The following FBXL13 variants were observed in gnomAD, a reference collection of about 807,000 sequenced individuals.
FBXL13 encodes the protein F-box and leucine-rich repeat protein 13.
A neutral mutation model predicts 83.6 loss-of-function variants in FBXL13; 67 were observed. That is an observed-to-expected ratio of 0.80 (90% confidence interval 0.66 to 0.98). The LOEUF (loss-of-function observed/expected upper bound fraction) is 0.98. FBXL13 is among the 50% of genes least tolerant of loss of function. FBXL13 has a pLI of 0.00. For synonymous variants in FBXL13, 272 were observed against 299.5 expected, an observed-to-expected ratio of 0.91 and a Z score of 0.95; for missense variants, 822 against 866.5, an observed-to-expected ratio of 0.95 and a Z score of 0.64.
intron 6 of FBXL13, among the ~76,000 whole-genome samples, chr7:102,969,146 T>C (rs1162465402): frequency 6.6e-6 from 1 of 152,204 alleles, no homozygotes; most frequent in Non-Finnish European, 1.5e-5. Flanking sequence ...CACTGACTCA[T>C]TCAGAGCAAC....
intron 6 of FBXL13, among the ~76,000 whole-genome samples, chr7:102,998,767 G>C (rs1238777364): frequency 6.6e-6 from 1 of 151,898 alleles, no homozygotes; most frequent in South Asian, 2.1e-4. Flanking sequence ...AGGAATTCGA[G>C]ACTAGCCTGG....
intron 6 of FBXL13, among the ~76,000 whole-genome samples, chr7:102,969,138 C>A (rs949949774): frequency 1.3e-5 from 2 of 152,226 alleles, no homozygotes; most frequent in Non-Finnish European, 1.5e-5. Flanking sequence ...CACTCACTCA[C>A]TGACTCATTC....
downstream of FBXL13, among the ~76,000 whole-genome samples, chr7:102,812,618 A>C (rs939792640): frequency 6.6e-6 from 1 of 152,174 alleles, no homozygotes; most frequent in Non-Finnish European, 1.5e-5. Context: ...AAAAAGCGTT[A>C]CAGATCCTTA....
chr7:102,910,371 T>A (rs183828653), intron 11 of FBXL13, among the ~76,000 whole-genome samples: 2 of 151,628 alleles, frequency 1.3e-5, no homozygotes, highest in African/African-American at 4.9e-5. Context: ...ATGAAGGTGT[T>A]TTTTCTTTTT....
chr7:102,976,264 G>A (rs1215176626), intron 6 of FBXL13: 1 of 702,104 alleles, frequency 1.4e-6, no homozygotes, highest in African/African-American at 1.7e-5. Context: ...TAATACCAGG[G>A]CAACCTATTC....
intron 6 of FBXL13, among the ~76,000 whole-genome samples, chr7:103,015,305 T>C (rs148595097): frequency 0.011 from 1,672 of 152,228 alleles, 35 homozygotes; most frequent in African/African-American, 0.039. Flanking sequence ...CCCTCTCTCA[T>C]CACTCCTATT....
intron 6 of FBXL13, among the ~76,000 whole-genome samples, chr7:102,998,273 T>C (rs1044552850): frequency 4.6e-5 from 7 of 152,234 alleles, no homozygotes; most frequent in Non-Finnish European, 8.8e-5. Flanking sequence ...TGCTATTAAG[T>C]TCCTTATATA....
chr7:102,934,384 C>A (rs774795898), intron 8 of FBXL13: 1 of 1,614,182 alleles, frequency 6.2e-7, no homozygotes, highest in South Asian at 1.1e-5. Context: ...TCTTGAGCTA[C>A]CTGCGTCTTT....
At chr7:103,038,436 T>C (rs1012735696) in intron 2 of FBXL13, among the ~76,000 whole-genome samples, 1 of 152,242 alleles carries the variant, frequency 6.6e-6, no homozygotes, top group Non-Finnish European at 1.5e-5. Context: ...AACGTCCCTG[T>C]CTGACAGCTC....
At chr7:102,941,454 T>C (rs1423110115) in intron 8 of FBXL13, among the ~76,000 whole-genome samples, 1 of 152,208 alleles carries the variant, frequency 6.6e-6, no homozygotes, top group East Asian at 1.9e-4. Context: ...AAAACTCTGA[T>C]GCCTGAATGC....
intron 17 of FBXL13, among the ~76,000 whole-genome samples, chr7:102,844,391 C>CAATA (rs1473152861): frequency 6.6e-6 from 1 of 152,076 alleles, no homozygotes; most frequent in Non-Finnish European, 1.5e-5. Flanking sequence ...ACTAAGAGAA[C>CAATA]AATACATCCT....
chr7:102,833,596 CTT>C (rs1225188712), intron 17 of FBXL13, among the ~76,000 whole-genome samples: 25 of 138,136 alleles, frequency 1.8e-4, no homozygotes, highest in Admixed American at 3.6e-4. Flanking sequence ...CCGGCTAATT[CTT>C]TTTTTTTTTT....
At chr7:102,990,679 C>T (rs1403842862) in intron 6 of FBXL13, among the ~76,000 whole-genome samples, 1 of 152,140 alleles carries the variant, frequency 6.6e-6, no homozygotes, top group Non-Finnish European at 1.5e-5. Context: ...GACAGAGGAT[C>T]AAAGGTAGCC....
chr7:103,045,301 T>C (rs181345510), intron 2 of FBXL13, among the ~76,000 whole-genome samples: 170 of 152,354 alleles, frequency 1.1e-3, no homozygotes, highest in Non-Finnish European at 1.6e-3. Context: ...GTTTTCAATC[T>C]TGTCTATCTA....
At chr7:102,855,652 C>T (rs536174880) in intron 16 of FBXL13, among the ~76,000 whole-genome samples, 2 of 129,414 alleles carry the variant, frequency 1.5e-5, no homozygotes, top group Admixed American at 8.0e-5. Flanking sequence ...CACCCCCCAA[C>T]CCACCCCTCA....
chr7:102,815,468 T>A (rs1368681458), intron 19 of FBXL13, among the ~76,000 whole-genome samples: 4 of 152,048 alleles, frequency 2.6e-5, no homozygotes, highest in Non-Finnish European at 5.9e-5. Context: ...GGATTGCTGG[T>A]CTAGAAGGGG....
At chr7:103,038,878 A>C (rs965840435) in intron 2 of FBXL13, among the ~76,000 whole-genome samples, 2 of 152,208 alleles carry the variant, frequency 1.3e-5, no homozygotes, top group African/African-American at 2.4e-5. Flanking sequence ...CAGAGCAGAA[A>C]AGCTGAAAAT....
intron 2 of FBXL13, among the ~76,000 whole-genome samples, chr7:103,043,227 T>C (rs926375473): frequency 6.6e-6 from 1 of 152,134 alleles, no homozygotes; most frequent in East Asian, 1.9e-4. Flanking sequence ...AAAAAGCTCA[T>C]CATCACTGGT....
In FBXL13 at chr7:102,867,706, T is replaced by A. The variant is rs1265980529; in HGVS notation, c.1635+9761A>T. Reference sequence around the variant, plus strand: ...ATATATATATATATATTTTTTTTTTTTTTTTTTTTTTTTTGAGACAGAGTC... The same window carrying A: ...ATATATATATATATATTTTTTTTTTATTTTTTTTTTTTTTGAGACAGAGTC... On this transcript the variant is annotated intron_variant, in intron 16 of 19. Coordinates refer to ENST00000313221, the Ensembl canonical transcript of FBXL13. 3.9e-3 allele frequency among the ~76,000 whole-genome samples: 481 copies of A among 122,714 alleles called. 1 individual carries two copies. Among genetic ancestry groups the A allele is most frequent in the African/African-American group, 9.0e-3 (272 of 30,170 alleles). 80.5% of individuals were successfully genotyped at this position (122,714 alleles called of 152,430 possible). A position where few individuals can be genotyped will look rare whatever the true frequency, so the allele number is the denominator to read the frequency against.
Sources: allele counts gnomAD v4.1 joint callset (sites outside exome capture counted in the v4.1 genomes callset), GRCh38; gene constraint gnomAD v4.1.1; transcripts MANE v1.5; gene names NCBI Gene and HGNC (gene_info 2026-07-23, HGNC 2026-07-21).